The following HSD17B12 variants were observed in gnomAD, a reference collection of about 807,000 sequenced individuals.
HSD17B12 encodes the protein hydroxysteroid 17-beta dehydrogenase 12, also known as very-long-chain 3-oxoacyl-CoA reductase.
HSD17B12 carries 32 observed loss-of-function variants against 39.3 expected under a neutral mutation model. The ratio of observed to expected loss-of-function variants is 0.81; its 90% CI spans 0.61 to 1.09. The LOEUF (loss-of-function observed/expected upper bound fraction) is 1.09, where lower values mean the gene tolerates loss of function less well. Ranked by LOEUF, HSD17B12 falls within the 50% of genes least tolerant of loss-of-function variation. HSD17B12 has a pLI of 0.00. For missense variants in HSD17B12, 342 were observed against 382.9 expected, an observed-to-expected ratio of 0.89 and a Z score of 0.89; for synonymous variants, 150 against 146.7, an observed-to-expected ratio of 1.02 and a Z score of -0.16.
chr11:43,715,560 C>T (rs1047647226), intron 1 of HSD17B12, among the ~76,000 whole-genome samples: 4 of 152,144 alleles, frequency 2.6e-5, no homozygotes, highest in Admixed American at 2.6e-4. Flanking sequence ...CATCAATGTT[C>T]ATCTGAGATA....
chr11:43,759,516 A>G (rs534864841), intron 3 of HSD17B12, among the ~76,000 whole-genome samples: 184 of 152,280 alleles, frequency 1.2e-3, no homozygotes, highest in African/African-American at 4.3e-3. Context: ...AGGATTATTC[A>G]TATATTAAAT....
the HSD17B12 span, among the ~76,000 whole-genome samples, chr11:43,565,247 G>T: frequency 6.6e-6 from 1 of 152,152 alleles, no homozygotes; most frequent in Non-Finnish European, 1.5e-5. Context: ...CGAGGAAGTG[G>T]CGCCTTCACG....
intron 1 of HSD17B12, among the ~76,000 whole-genome samples, chr11:43,702,819 C>CT (rs962396068): frequency 1.4e-3 from 206 of 151,666 alleles, no homozygotes; most frequent in African/African-American, 4.8e-3. Flanking sequence ...AATTTTTTTT[C>CT]TTTTTTTTAA....
the HSD17B12 span, among the ~76,000 whole-genome samples, chr11:43,568,272 T>C: frequency 1.3e-5 from 2 of 152,028 alleles, no homozygotes; most frequent in Non-Finnish European, 2.9e-5. Flanking sequence ...GTTAATTTTT[T>C]CTGTATTTTT....
intron 7 of HSD17B12, chr11:43,833,054 A>T (rs1019389334): frequency 1.6e-5 from 2 of 124,078 alleles, no homozygotes; most frequent in Admixed American, 1.6e-4. Context: ...AAAAAAAAAA[A>T]GGAAAGATCA....
chr11:43,709,915 C>T (rs1457193265), intron 1 of HSD17B12, among the ~76,000 whole-genome samples: 4 of 152,006 alleles, frequency 2.6e-5, no homozygotes, highest in Non-Finnish European at 5.9e-5. Flanking sequence ...TACAGAGGCA[C>T]GTGTTCAGAA....
chr11:43,852,452 T>C (rs1951540857), intron 9 of HSD17B12: 1 of 133,628 alleles, frequency 7.5e-6, no homozygotes, highest in Non-Finnish European at 1.7e-5. Context: ...TTGTGATCTA[T>C]ATTTGGGTTT....
At chr11:43,633,269 C>T in the HSD17B12 span, among the ~76,000 whole-genome samples, 6 of 152,302 alleles carry the variant, frequency 3.9e-5, no homozygotes, top group Admixed American at 2.6e-4. Context: ...CGTTGGCTCC[C>T]GCCTGTAATC....
the HSD17B12 span, among the ~76,000 whole-genome samples, chr11:43,576,923 T>C: frequency 6.6e-6 from 1 of 152,116 alleles, no homozygotes; most frequent in Non-Finnish European, 1.5e-5. Flanking sequence ...GTTTTCTCGA[T>C]GGCCCCCTCC....
At chr11:43,560,585 C>T in the HSD17B12 span, among the ~76,000 whole-genome samples, 1 of 152,270 alleles carries the variant, frequency 6.6e-6, no homozygotes, top group Admixed American at 6.5e-5. Flanking sequence ...ATTCTACTTG[C>T]CCCGAGTCTC....
the HSD17B12 span, among the ~76,000 whole-genome samples, chr11:43,608,096 C>T: frequency 1.3e-5 from 2 of 152,094 alleles, no homozygotes; most frequent in Non-Finnish European, 2.9e-5. Flanking sequence ...AGGCCAGGTG[C>T]GGTGGCTCAC....
chr11:43,627,346 ACC>A, the HSD17B12 span, among the ~76,000 whole-genome samples: 3 of 151,912 alleles, frequency 2.0e-5, no homozygotes, highest in African/African-American at 7.2e-5. Flanking sequence ...TTCTAGTGAT[ACC>A]TTATTGAATA....
In HSD17B12 at chr11:43,798,314, C is replaced by A. The variant is rs746311710; in HGVS notation, c.284-6C>A. ...CTCTCCCCGTTTGTGTTTTCTTTTT[C>A]CCTAGAAGAAAAATTCAAAGTGGAG... is the stretch of plus-strand genomic sequence containing the variant. On this transcript the variant is annotated splice_region_variant and splice_polypyrimidine_tract_variant and intron_variant, in intron 3 of 10. Transcript: ENST00000278353. The A allele has an allele frequency of 3.2e-6, 5 of 1,573,282 alleles. No homozygotes were observed. The highest frequency in any genetic ancestry group is 4.4e-6 in the Non-Finnish European group (5 of 1,144,874).
At chr11:43,775,530 T>A (rs1319183413) in intron 3 of HSD17B12, among the ~76,000 whole-genome samples, 1 of 152,102 alleles carries the variant, frequency 6.6e-6, no homozygotes, top group Non-Finnish European at 1.5e-5. Context: ...AAGTTTATAT[T>A]CCATTCTATG....
At chr11:43,642,847 G>A in the HSD17B12 span, among the ~76,000 whole-genome samples, 1 of 151,776 alleles carries the variant, frequency 6.6e-6, no homozygotes, top group African/African-American at 2.4e-5. Context: ...CAGGAGTGAA[G>A]AAGTAAATGA....
intron 3 of HSD17B12, among the ~76,000 whole-genome samples, chr11:43,791,669 A>C (rs1950869375): frequency 1.3e-5 from 2 of 152,214 alleles, no homozygotes; most frequent in African/African-American, 4.8e-5. Context: ...AAATTTCTTC[A>C]AGAGTGGTTT....
chr11:43,734,768 T>G (rs2134897377), intron 1 of HSD17B12, among the ~76,000 whole-genome samples: 1 of 152,334 alleles, frequency 6.6e-6, no homozygotes, highest in South Asian at 2.1e-4. Flanking sequence ...GAAATTCAAG[T>G]AAAATTCTCA....
the HSD17B12 span, among the ~76,000 whole-genome samples, chr11:43,665,927 C>A: frequency 6.6e-6 from 1 of 152,184 alleles, no homozygotes; most frequent in Non-Finnish European, 1.5e-5. Context: ...TCTTGTCAAC[C>A]CACGGAGTAG....
intron 1 of HSD17B12, among the ~76,000 whole-genome samples, chr11:43,717,840 T>C (rs986121097): frequency 1.3e-5 from 2 of 150,102 alleles, no homozygotes; most frequent in African/African-American, 2.5e-5. Flanking sequence ...AGTCTGGCTC[T>C]GTCGCCCAGG....
Sources: allele counts gnomAD v4.1 joint callset (sites outside exome capture counted in the v4.1 genomes callset), GRCh38; gene constraint gnomAD v4.1.1; transcripts MANE v1.5; gene names NCBI Gene and HGNC (gene_info 2026-07-23, HGNC 2026-07-21).